Variants in CWF19L2 observed in about 807,000 individuals in gnomAD.
CWF19L2 encodes the protein CWF19-like protein 2.
In CWF19L2, 98 loss-of-function variants were observed where a neutral mutation model predicts 111.7. The observed-to-expected ratio is 0.88, with a 90% CI of 0.75 to 1.04. The LOEUF is 1.04. CWF19L2 is among the 50% of genes least tolerant of loss of function. CWF19L2 has a pLI of 0.00. For missense variants in CWF19L2, 1,101 were observed against 1,051.4 expected (o/e 1.05, Z -0.65); for synonymous variants, 351 against 342.9 (o/e 1.02, Z -0.26).
rs527414972 is a variant in CWF19L2 at position 107,439,170 on chromosome 11, T to C, written c.584A>G (p.Glu195Gly). The C allele has an allele frequency of 1.6e-5, 25 of 1,606,196 alleles. No individual in the cohort carries two copies. In the South Asian group the frequency reaches 2.7e-4, roughly 17 times the overall value. The change falls in exon 6 of 18, where the codon GAA becomes GGA. Residue 195 changes from glutamate (E) to glycine (G), a missense_variant. Physicochemically the swap from Glu to Gly is moderately conservative, Grantham distance 98. Coordinates refer to ENST00000282251, the MANE Select transcript of CWF19L2 (RefSeq NM_152434.3). ...NQALEQSKLM[E>G]RELNPYWKDG... is the part of the protein sequence containing the mutation. ...CTTCCAGTACGGATTCAATTCTCTT[T>C]CCATCAGTTTGGACTAGAACAAATT...
chr11:107,403,527 C>A, intron 10 of CWF19L2: 1 of 815,388 alleles, frequency 1.2e-6, no homozygotes, highest in Non-Finnish European at 2.2e-6. Context: ...CCCTCCTGCC[C>A]ATTCTCCTTG....
chr11:107,349,410 C>A (rs1275781520), intron 13 of CWF19L2, among the ~76,000 whole-genome samples: 5 of 152,062 alleles, frequency 3.3e-5, no homozygotes, highest in Non-Finnish European at 5.9e-5. Flanking sequence ...TGAAACAACA[C>A]AATTTTCACA....
chr11:107,357,374 T>C (rs950169113), intron 12 of CWF19L2, among the ~76,000 whole-genome samples: 1 of 152,228 alleles, frequency 6.6e-6, no homozygotes, highest in African/African-American at 2.4e-5. Context: ...ATTTATCTTA[T>C]CCAAAATATA....
intron 10 of CWF19L2, chr11:107,404,485 G>A (rs1326356591): frequency 1.2e-4 from 92 of 757,632 alleles, no homozygotes; most frequent in Non-Finnish European, 2.2e-4. Context: ...AGTTGTTGTA[G>A]GCGAGATGAC....
chr11:107,419,698 T>G (rs1419102000), intron 8 of CWF19L2, among the ~76,000 whole-genome samples: 1 of 152,080 alleles, frequency 6.6e-6, no homozygotes, highest in African/African-American at 2.4e-5. Context: ...AATGGAAAAT[T>G]AAGCTGCAGA....
rs1860460116 is a variant in CWF19L2, at chr11:107,368,134, A to G, written c.1873-14398T>C. Among the ~76,000 whole-genome samples the G allele has an allele frequency of 1.5e-5, 2 of 130,050 alleles. 1 individual carries two copies. The highest frequency in any genetic ancestry group is 4.5e-4 in the East Asian group (2 of 4,468). The allele number at this position is 130,050 out of a possible 152,430, so 85.3% of individuals were successfully genotyped here. ...AATTGAGACCCCCCCCCACACAAAAATACAAAAGATCAGTAAGATAAAAAG... is the reference window on the plus strand; with the variant it reads ...AATTGAGACCCCCCCCCACACAAAAGTACAAAAGATCAGTAAGATAAAAAG... On this transcript the variant is annotated intron_variant, in intron 12 of 17. Transcript: ENST00000282251.
At chr11:107,381,705 C>T (rs1860688768) in intron 12 of CWF19L2, among the ~76,000 whole-genome samples, 1 of 152,054 alleles carries the variant, frequency 6.6e-6, no homozygotes, top group Admixed American at 6.6e-5. Flanking sequence ...CACTTAATCT[C>T]TCAAAATCTG....
intron 12 of CWF19L2, among the ~76,000 whole-genome samples, chr11:107,372,349 G>T (rs1265707376): frequency 1.6e-5 from 2 of 124,538 alleles, no homozygotes; most frequent in Non-Finnish European, 3.5e-5. Context: ...TAATCAACTA[G>T]ATAAAGGGGG....
intron 10 of CWF19L2, among the ~76,000 whole-genome samples, chr11:107,414,967 G>A (rs941596986): frequency 2.0e-5 from 3 of 152,080 alleles, no homozygotes; most frequent in African/African-American, 7.2e-5. Flanking sequence ...TCTTAATAGA[G>A]AATCCAGAAT....
At chr11:107,430,114 C>G (rs910736589) in intron 7 of CWF19L2, among the ~76,000 whole-genome samples, 2 of 151,272 alleles carry the variant, frequency 1.3e-5, no homozygotes, top group Non-Finnish European at 2.9e-5. Flanking sequence ...ATTTCCCCAG[C>G]CGATTTCTCA....
chr11:107,356,257 T>C (rs532907388), intron 12 of CWF19L2, among the ~76,000 whole-genome samples: 8 of 152,278 alleles, frequency 5.3e-5, no homozygotes, highest in South Asian at 2.1e-4. Context: ...GGGAAAATTA[T>C]AGCATTAAAC....
intron 3 of CWF19L2, among the ~76,000 whole-genome samples, chr11:107,447,421 A>C (rs1861716335): frequency 6.6e-6 from 1 of 152,148 alleles, no homozygotes; most frequent in South Asian, 2.1e-4. Context: ...ACCATGGAGA[A>C]AACAATTACC....
In CWF19L2 at chr11:107,455,676, T is replaced by C. The variant is rs1217179374; in HGVS notation, c.206A>G (p.Gln69Arg). Residue 69 changes from glutamine (Q) to arginine (R), a missense_variant, in exon 2 of 18, where the codon CAG (glutamine) becomes CGG (arginine). By Grantham distance (43) the Gln-to-Arg change is conservative (BLOSUM62 1). Coordinates refer to ENST00000282251, the MANE Select transcript of CWF19L2 (RefSeq NM_152434.3). ...MLPDVNERIE[Q>R]FSQEHSVKKK... ...CCTGTTAGTATTCACCTGTGAGAAC[T>C]GTTCAATTCTCTCATTCACATCAGG... is the stretch of plus-strand genomic sequence containing the variant. The C allele has an allele frequency of 6.5e-7, 1 of 1,544,486 alleles. No homozygotes were observed.
At chr11:107,338,610 C>T (rs1009600698) in intron 14 of CWF19L2, among the ~76,000 whole-genome samples, 1 of 152,112 alleles carries the variant, frequency 6.6e-6, no homozygotes, top group African/African-American at 2.4e-5. Context: ...TGTTCCCCAC[C>T]ACCATGTGTC....
At chr11:107,396,140 A>T (rs912932851) in intron 10 of CWF19L2, among the ~76,000 whole-genome samples, 3 of 152,214 alleles carry the variant, frequency 2.0e-5, no homozygotes, top group African/African-American at 7.2e-5. Flanking sequence ...CGAGACAGAA[A>T]TGAAAAGTTC....
chr11:107,385,976 T>C (rs1043617737), intron 12 of CWF19L2, among the ~76,000 whole-genome samples: 5 of 152,208 alleles, frequency 3.3e-5, no homozygotes, highest in African/African-American at 1.2e-4. Flanking sequence ...TTTATGATTA[T>C]TGTGGTTAAT....
intron 8 of CWF19L2, 123 bp downstream of exon 8, chr11:107,428,676 C>A (rs1861414416): frequency 1.3e-6 from 1 of 779,244 alleles, no homozygotes; most frequent in African/African-American, 1.7e-5. Flanking sequence ...TATCTTACCC[C>A]TTCTATCAAT....
chr11:107,437,705 C>T (rs1218043554), intron 6 of CWF19L2, among the ~76,000 whole-genome samples: 1 of 152,134 alleles, frequency 6.6e-6, no homozygotes, highest in Non-Finnish European at 1.5e-5. Context: ...TTTCAGTCTG[C>T]TAAAAGATAC....
chr11:107,448,645 T>G (rs1861735604), intron 3 of CWF19L2, among the ~76,000 whole-genome samples: 1 of 152,078 alleles, frequency 6.6e-6, no homozygotes, highest in African/African-American at 2.4e-5. Flanking sequence ...CCCACCAAAT[T>G]CTTATGTTGA....
Sources: gnomAD v4.1 joint callset for allele counts (sites outside exome capture counted in the v4.1 genomes callset) on GRCh38, gnomAD v4.1.1 for gene constraint, MANE v1.5 for transcripts, NCBI Gene and HGNC (gene_info 2026-07-23, HGNC 2026-07-21) for gene names.